The following KCNAB2 variants were observed in gnomAD, a reference collection of about 807,000 sequenced individuals.
The protein encoded by KCNAB2 is potassium voltage-gated channel subfamily A regulatory beta subunit 2.
A neutral mutation model predicts 63.6 loss-of-function variants in KCNAB2; 29 were observed. The observed-to-expected ratio is 0.46, with a 90% CI of 0.34 to 0.62. The LOEUF (loss-of-function observed/expected upper bound fraction) is 0.62. Ranked by LOEUF, KCNAB2 falls within the 20% of genes least tolerant of loss-of-function variation. The pLI is 0.01. For missense variants in KCNAB2, 359 were observed against 563.9 expected, an observed-to-expected ratio of 0.64 and a Z score of 3.68; for synonymous variants, 222 against 224.2, an observed-to-expected ratio of 0.99 and a Z score of 0.09.
chr1:6,029,561 A>G (rs1659445795), upstream of KCNAB2, among the ~76,000 whole-genome samples: 1 of 152,066 alleles, frequency 6.6e-6, no homozygotes, highest in African/African-American at 2.4e-5. Flanking sequence ...CCATCCCTGC[A>G]CCTCTGCCTG....
At chr1:6,030,163 A>G (rs1380451251), upstream of KCNAB2, among the ~76,000 whole-genome samples, 1 of 152,256 alleles carries the variant, frequency 6.6e-6, no homozygotes, top group Non-Finnish European at 1.5e-5. Context: ...GTTAAGCGCT[A>G]AGATGAATTC....
intron 1 of KCNAB2, among the ~76,000 whole-genome samples, chr1:6,013,014 A>C (rs1375718256): frequency 6.6e-6 from 1 of 152,040 alleles, no homozygotes; most frequent in Admixed American, 6.5e-5. Context: ...GCTGCAGGGC[A>C]CCCTCTGTCG....
rs920886995 is a variant in KCNAB2 at position 6,074,433 on chromosome 1, G to A, written c.300+663G>A. Among the ~76,000 whole-genome samples the A allele has an allele frequency of 1.3e-5, 2 of 152,224 alleles. No individual in the cohort carries two copies. The highest frequency in any genetic ancestry group is 2.9e-5 in the Non-Finnish European group (2 of 68,044). ...AGACATGTGTGCTTCTGGACAGTGA[G>A]GCAGCATCTCAGAAATGAGAGCAGT... is the stretch of plus-strand genomic sequence containing the variant. On this transcript the variant is annotated intron_variant, in intron 4 of 15. Coordinates refer to ENST00000378083, the MANE Select transcript of KCNAB2 (RefSeq NM_001199862.2). The surrounding 1 kb of genome is among the most constrained non-coding windows in gnomAD (Gnocchi z 4.9).
intron 1 of KCNAB2, among the ~76,000 whole-genome samples, chr1:6,013,043 A>G (rs921976341): frequency 6.6e-6 from 1 of 152,222 alleles, no homozygotes; most frequent in East Asian, 1.9e-4. Context: ...GGAGCAGCAG[A>G]ACATGACCTC....
intron 6 of KCNAB2, 79 bp downstream of exon 6, chr1:6,085,327 C>T (rs1360462849): frequency 3.1e-6 from 4 of 1,289,686 alleles, no homozygotes; most frequent in East Asian, 4.6e-5. Context: ...GTCGGCCTGT[C>T]GTGCAGTGTC....
intron 1 of KCNAB2, among the ~76,000 whole-genome samples, chr1:6,004,697 G>T (rs1267810175): frequency 1.3e-5 from 2 of 151,948 alleles, no homozygotes; most frequent in African/African-American, 2.4e-5. Context: ...CTCATCGCAG[G>T]ATTTCCACCT....
In KCNAB2 at chr1:6,048,802, C is replaced by T. The variant is rs567447423; in HGVS notation, c.-27+2619C>T. Among the ~76,000 whole-genome samples the T allele has an allele frequency of 3.3e-5, 5 of 152,322 alleles. No individual in the cohort carries two copies. The East Asian group carries it at 9.7e-4, about 29-fold the overall frequency. ...CCCACACCGGACTGGCAGCTAGCCA[C>T]ATGGCCACCTCAGAAGCAGCTGCCT... On this transcript the variant is annotated intron_variant, in intron 1 of 15. Coordinates refer to ENST00000378083, the MANE Select transcript of KCNAB2 (RefSeq NM_001199862.2).
rs1462057961 is a variant in KCNAB2 at position 6,035,153 on chromosome 1, G to A, written c.-53+359G>A. ...AAGTTGAATTCGGGCCGGAGGAGGA[G>A]GAGTGCATGAAGCCCTGAGGTGGGA... On this transcript the variant is annotated intron_variant, in intron 1 of 15. Transcript: ENST00000164247. This position sits in a 1 kb window ranked among gnomAD's most constrained non-coding sequence, Gnocchi z 5.0. Among the ~76,000 whole-genome samples, 1 of 152,172 alleles carries A rather than the reference G, an allele frequency of 6.6e-6. No homozygotes were observed. The highest frequency in any genetic ancestry group is 1.5e-5 in the Non-Finnish European group (1 of 68,030).
chr1:6,090,159 G>C (rs956186544), intron 8 of KCNAB2, among the ~76,000 whole-genome samples: 1 of 152,226 alleles, frequency 6.6e-6, no homozygotes, highest in Non-Finnish European at 1.5e-5. Context: ...TCAAGGACAC[G>C]TGGCCTGTGG....
rs568037540 is a variant in KCNAB2, at chr1:6,084,771, T to A, written c.381-433T>A. ...GCAGAGGTTGCAGAGAGCCGAGATC[T>A]CGCCACTACATTCCATTGATAGAGC... On this transcript the variant is annotated intron_variant, in intron 5 of 15. Transcript: ENST00000378083. Among the ~76,000 whole-genome samples, 34 of 93,682 alleles carry A rather than the reference T, an allele frequency of 3.6e-4. No individual in the cohort carries two copies. In the East Asian group the frequency reaches 5.1e-3, roughly 14 times the overall value. The allele number at this position is 93,682 out of a possible 152,430, so 61.5% of individuals were successfully genotyped here. A position where few individuals can be genotyped will look rare whatever the true frequency, so the allele number is the denominator to read the frequency against.
intron 1 of KCNAB2, among the ~76,000 whole-genome samples, chr1:6,036,943 G>A (rs1459256809): frequency 6.6e-6 from 1 of 152,172 alleles, no homozygotes; most frequent in African/African-American, 2.4e-5. Flanking sequence ...CTCTGTTGCA[G>A]CTCCTCAGCC....
chr1:6,041,835 C>T (rs773645856), upstream of KCNAB2: 7 of 1,613,430 alleles, frequency 4.3e-6, no homozygotes, highest in Non-Finnish European at 5.1e-6. Context: ...CCGAAGTACT[C>T]GGTATGGGAG....
rs1217979242 is a variant in KCNAB2 at position 6,090,552 on chromosome 1, G to A, written c.601+77G>A. 11 of 1,098,222 alleles carry A rather than the reference G, an allele frequency of 1.0e-5. No individual in the cohort carries two copies. The Admixed American group carries it at 1.4e-4, about 14-fold the overall frequency. 68.0% of individuals were successfully genotyped at this position (1,098,222 alleles called of 1,614,324 possible). On this transcript the variant is annotated intron_variant, in intron 9 of 15. Transcript: ENST00000378083. ...GTCTGAACCTGGGGTTGTAGAGGCC[G>A]CCAGCATGGGCCCTGCTGGGCACCC...
chr1:6,060,445 C>A (rs1174603715), intron 2 of KCNAB2, among the ~76,000 whole-genome samples: 5 of 152,244 alleles, frequency 3.3e-5, no homozygotes, highest in African/African-American at 1.2e-4. Context: ...GAAACTGCTC[C>A]TTTGGGGCAG....
rs774870749 is a variant in KCNAB2, at chr1:6,078,221, C to G, written c.301-3974C>G. On this transcript the variant is annotated intron_variant, in intron 4 of 15. Transcript: ENST00000378083. The surrounding 1 kb of genome is among the most constrained non-coding windows in gnomAD (Gnocchi z 4.2). Reference sequence around the variant, plus strand: ...CTCTCCGTCCTCCTCTTCTGTCAGTCAAGTCTCCGTCTGTCTCGTCCTCAT... The same window carrying G: ...CTCTCCGTCCTCCTCTTCTGTCAGTGAAGTCTCCGTCTGTCTCGTCCTCAT... Among the ~76,000 whole-genome samples, 22 of 152,208 alleles carry G rather than the reference C, an allele frequency of 1.4e-4. No individual in the cohort carries two copies. Among genetic ancestry groups the G allele is most frequent in the Non-Finnish European group, 2.4e-4 (16 of 68,024 alleles).
intron 4 of KCNAB2, among the ~76,000 whole-genome samples, chr1:6,077,326 A>G (rs577908799): frequency 2.6e-5 from 4 of 152,186 alleles, no homozygotes; most frequent in Admixed American, 6.5e-5. Flanking sequence ...CCTGGAAGAG[A>G]AAGTACAGCA....
intron 1 of KCNAB2, among the ~76,000 whole-genome samples, chr1:6,025,095 T>G (rs1659059217): frequency 6.6e-6 from 1 of 152,274 alleles, no homozygotes; most frequent in South Asian, 2.1e-4. Flanking sequence ...TGTTTGTCTC[T>G]CGACACCTCT....
chr1:6,087,385 G>A lies in KCNAB2; in HGVS notation c.426-82G>A. The A allele has an allele frequency of 6.8e-7, 1 of 1,459,976 alleles. No homozygotes were observed. The highest frequency in any genetic ancestry group is 9.6e-7 in the Non-Finnish European group (1 of 1,039,964). 90.4% of individuals were successfully genotyped at this position (1,459,976 alleles called of 1,614,324 possible). On this transcript the variant is annotated intron_variant, in intron 6 of 15. Coordinates refer to ENST00000378083, the MANE Select transcript of KCNAB2 (RefSeq NM_001199862.2). This position sits in a 1 kb window ranked among gnomAD's most constrained non-coding sequence, Gnocchi z 6.4. ...GGGAGGGCTTTCAGGACCTCTGTGT[G>A]AGAGATGAGGACGTCGGGGATGAAG...
chr1:6,021,365 G>A (rs1471585437), intron 1 of KCNAB2, among the ~76,000 whole-genome samples: 1 of 152,238 alleles, frequency 6.6e-6, no homozygotes, highest in Non-Finnish European at 1.5e-5. Context: ...TGGAGCTGCT[G>A]TTGACTCCAT....
Sources: allele counts gnomAD v4.1 joint callset (sites outside exome capture counted in the v4.1 genomes callset), GRCh38; gene constraint gnomAD v4.1.1; non-coding constraint Gnocchi (gnomAD v3.1); transcripts MANE v1.5; gene names NCBI Gene and HGNC (gene_info 2026-07-23, HGNC 2026-07-21).